Variants in GRK3 observed in about 807,000 individuals in gnomAD.
GRK3 encodes G protein-coupled receptor kinase 3, also known as adrenergic, beta, receptor kinase 2.
A neutral mutation model predicts 95.7 loss-of-function variants in GRK3; 54 were observed. The ratio of observed to expected loss-of-function variants is 0.56; its 90% CI spans 0.45 to 0.71. The LOEUF is 0.71. Among genes scored for constraint, GRK3 ranks in the 30% least tolerant of loss-of-function variants. The pLI is 0.00. For synonymous variants in GRK3, 281 were observed against 290.8 expected, an observed-to-expected ratio of 0.97 and a Z score of 0.34; for missense variants, 649 against 851.2, an observed-to-expected ratio of 0.76 and a Z score of 2.96.
At chr22:25,649,256 T>G in intron 3 of GRK3, 1 of 1,058,340 alleles carries the variant, frequency 9.4e-7, no homozygotes, top group Non-Finnish European at 1.5e-6. Context: ...CTATTTTATA[T>G]GCTCACATCT....
intron 1 of GRK3, among the ~76,000 whole-genome samples, chr22:25,583,759 T>C (rs1932187983): frequency 6.6e-6 from 1 of 152,216 alleles, no homozygotes; most frequent in Admixed American, 6.5e-5. Context: ...TAGCCTATAT[T>C]AGACATAGCT....
At chr22:25,617,485 A>G (rs1012635616) in intron 2 of GRK3, among the ~76,000 whole-genome samples, 5 of 152,198 alleles carry the variant, frequency 3.3e-5, no homozygotes, top group African/African-American at 1.2e-4. Flanking sequence ...TTTACTAATA[A>G]ATGTGCTCTG....
At chr22:25,687,781 C>G in intron 11 of GRK3, 114 bp downstream of exon 11, 1 of 1,202,182 alleles carries the variant, frequency 8.3e-7, no homozygotes, top group Non-Finnish European at 1.2e-6. Context: ...CTCATCTCAG[C>G]CCTGATGAAG....
At chr22:25,673,279 G>C (rs1282790304) in intron 7 of GRK3, among the ~76,000 whole-genome samples, 1 of 152,050 alleles carries the variant, frequency 6.6e-6, no homozygotes, top group African/African-American at 2.4e-5. Context: ...TGCCAGGGTG[G>C]TCTCTATCTC....
rs2085467276 is a variant in GRK3 at position 25,725,604 on chromosome 22, C to T, written c.*3154C>T. Reference sequence around the variant, plus strand: ...CACCATTCATGCAAAGTGCTCATGCCTCTGATTGGTCCATTCACTGACGTG... The same window carrying T: ...CACCATTCATGCAAAGTGCTCATGCTTCTGATTGGTCCATTCACTGACGTG... On this transcript the variant is annotated 3_prime_UTR_variant, in exon 21 of 21. Coordinates refer to ENST00000324198, the MANE Select transcript of GRK3 (RefSeq NM_005160.4). The T allele has an allele frequency of 5.0e-6, 2 of 398,406 alleles. No homozygotes were observed. Among genetic ancestry groups the T allele is most frequent in the Admixed American group, 4.4e-5 (1 of 22,706 alleles). The allele number at this position is 398,406 out of a possible 1,614,324, so 24.7% of individuals were successfully genotyped here.
intron 15 of GRK3, among the ~76,000 whole-genome samples, chr22:25,705,515 A>G (rs1432800173): frequency 6.6e-6 from 1 of 152,176 alleles, no homozygotes; most frequent in Non-Finnish European, 1.5e-5. Context: ...GGGTATTTAC[A>G]CTGTTAAGGA....
chr22:25,674,462 A>G lies in GRK3; in HGVS notation c.581A>G (p.His194Arg), dbSNP rs2085010440. The change falls in exon 8 of 21, where the codon CAT (histidine) becomes CGT (arginine). Residue 194 changes from histidine to arginine, a missense_variant. His to Arg is a conservative substitution (Grantham distance 29). Around this residue, in one of 3 missense-constraint regions of GRK3, gnomAD observed 61 missense variants for 126.0 expected, o/e 0.48. Coordinates refer to ENST00000324198, the MANE Select transcript of GRK3 (RefSeq NM_005160.4). ...TTGACCATGAATGAGTTCAGTGTGC[A>G]TAGGATTATTGGACGAGGAGGATTC... ...IHLTMNEFSV[H>R]RIIGRGGFGE... is the part of the protein sequence containing the mutation. The G allele has an allele frequency of 6.2e-7, 1 of 1,614,070 alleles. No individual in the cohort carries two copies. The highest frequency in any genetic ancestry group is 8.5e-7 in the Non-Finnish European group (1 of 1,179,924).
At chr22:25,641,412 G>A (rs114343521) in intron 2 of GRK3, among the ~76,000 whole-genome samples, 1 of 151,760 alleles carries the variant, frequency 6.6e-6, no homozygotes, top group Non-Finnish European at 1.5e-5. Flanking sequence ...CCTGAGCTCT[G>A]TCTTTGTTAC....
intron 9 of GRK3, among the ~76,000 whole-genome samples, chr22:25,682,748 TA>T (rs1281279709): frequency 1.3e-5 from 2 of 152,154 alleles, no homozygotes; most frequent in African/African-American, 4.8e-5. Context: ...TGAATTTTCA[TA>T]AGGGAATACA....
intron 1 of GRK3, among the ~76,000 whole-genome samples, chr22:25,577,172 T>A (rs577856285): frequency 1.6e-4 from 25 of 151,638 alleles, no homozygotes; most frequent in African/African-American, 5.8e-4. Flanking sequence ...CTAGATACAA[T>A]AAAGGATTTT....
At chr22:25,716,177 A>T (rs1005325290) in intron 18 of GRK3, among the ~76,000 whole-genome samples, 7 of 151,590 alleles carry the variant, frequency 4.6e-5, no homozygotes, top group African/African-American at 1.2e-4. Context: ...TTTAGTAGAG[A>T]TGGGATTTCA....
chr22:25,592,778 G>A (rs1377452044), intron 1 of GRK3, among the ~76,000 whole-genome samples: 3 of 152,204 alleles, frequency 2.0e-5, no homozygotes, highest in Non-Finnish European at 4.4e-5. Flanking sequence ...GTATCCAGTA[G>A]TGTTTCAACC....
At chr22:25,708,970 C>T (rs1051276633) in intron 15 of GRK3, among the ~76,000 whole-genome samples, 3 of 151,946 alleles carry the variant, frequency 2.0e-5, no homozygotes, top group African/African-American at 7.3e-5. Flanking sequence ...CCAACTTTTG[C>T]TCTGGGTACT....
At chr22:25,567,628 C>T (rs1931537458) in intron 1 of GRK3, among the ~76,000 whole-genome samples, 1 of 152,142 alleles carries the variant, frequency 6.6e-6, no homozygotes, top group Admixed American at 6.5e-5. Flanking sequence ...ATGTGATCAC[C>T]AGTTTTTGGT....
intron 2 of GRK3, among the ~76,000 whole-genome samples, chr22:25,632,153 A>G (rs1323112107): frequency 6.6e-6 from 1 of 152,234 alleles, no homozygotes; most frequent in Non-Finnish European, 1.5e-5. Flanking sequence ...TACAAATTGC[A>G]TTCCTACTAG....
intron 2 of GRK3, among the ~76,000 whole-genome samples, chr22:25,640,293 T>G (rs1431594307): frequency 6.6e-6 from 1 of 152,238 alleles, no homozygotes; most frequent in East Asian, 1.9e-4. Flanking sequence ...CTGTCTGAAA[T>G]ACATCTTCCT....
chr22:25,700,200 C>T (rs960777280), intron 13 of GRK3, among the ~76,000 whole-genome samples: 1 of 152,192 alleles, frequency 6.6e-6, no homozygotes, highest in East Asian at 1.9e-4. Flanking sequence ...TTGACTGAGC[C>T]GCTCATATGT....
intron 1 of GRK3, among the ~76,000 whole-genome samples, chr22:25,587,502 C>A (rs1327278994): frequency 3.3e-5 from 5 of 152,166 alleles, no homozygotes; most frequent in African/African-American, 1.2e-4. Flanking sequence ...GATCTTGGCT[C>A]ACTGCAATCT....
chr22:25,687,977 C>T (rs1354017599), intron 11 of GRK3, among the ~76,000 whole-genome samples: 1 of 152,214 alleles, frequency 6.6e-6, no homozygotes, highest in Non-Finnish European at 1.5e-5. Flanking sequence ...TGGCTCATGC[C>T]TGTAATCCCA....
Sources: allele counts gnomAD v4.1 joint callset (sites outside exome capture counted in the v4.1 genomes callset), GRCh38; gene constraint gnomAD v4.1.1; regional missense constraint gnomAD v4.1.1; transcripts MANE v1.5; gene names NCBI Gene and HGNC (gene_info 2026-07-23, HGNC 2026-07-21).